The following CTNNA2 variants were observed in gnomAD, a reference collection of about 807,000 sequenced individuals.
The protein encoded by CTNNA2 is catenin alpha 2.
CTNNA2 carries 42 observed loss-of-function variants against 101.0 expected under a neutral mutation model. That is an observed-to-expected ratio of 0.42 (90% CI 0.32 to 0.54). The LOEUF (loss-of-function observed/expected upper bound fraction) is 0.54. CTNNA2 is among the 20% of genes least tolerant of loss of function. The pLI, the probability that CTNNA2 is intolerant of heterozygous loss-of-function variation, is 0.14. For synonymous variants in CTNNA2, 450 were observed against 456.4 expected (o/e 0.99, Z 0.18); for missense variants, 871 against 1,223.1 (o/e 0.71, Z 4.29).
At chr2:79,557,306 G>A (rs1674507403) in intron 1 of CTNNA2, among the ~76,000 whole-genome samples, 1 of 151,876 alleles carries the variant, frequency 6.6e-6, no homozygotes, top group African/African-American at 2.4e-5. Flanking sequence ...TTCTTGCTGT[G>A]TATTGTGTTA....
At chr2:79,745,287 C>T (rs377329279) in intron 3 of CTNNA2, among the ~76,000 whole-genome samples, 28 of 151,996 alleles carry the variant, frequency 1.8e-4, no homozygotes, top group African/African-American at 6.3e-4. Flanking sequence ...AAAAATTAGC[C>T]GGGCATGGCA....
chr2:79,558,171 C>T (rs890479417), intron 1 of CTNNA2, among the ~76,000 whole-genome samples: 6 of 151,856 alleles, frequency 4.0e-5, no homozygotes, highest in African/African-American at 1.2e-4. Context: ...CTAATAAAAG[C>T]TTAGTTTAAA....
At chr2:80,425,784 G>A (rs1455013468) in intron 9 of CTNNA2, among the ~76,000 whole-genome samples, 1 of 151,848 alleles carries the variant, frequency 6.6e-6, no homozygotes, top group Non-Finnish European at 1.5e-5. Context: ...GAAGTGATTG[G>A]GCCCTTTTAC....
chr2:79,704,165 T>G (rs1487748786), intron 2 of CTNNA2, among the ~76,000 whole-genome samples: 1 of 152,228 alleles, frequency 6.6e-6, no homozygotes, highest in Non-Finnish European at 1.5e-5. Flanking sequence ...TTCATAAACA[T>G]AAATTTTGCA....
intron 8 of CTNNA2, among the ~76,000 whole-genome samples, chr2:80,416,693 T>G (rs1680075567): frequency 6.6e-6 from 1 of 152,008 alleles, no homozygotes; most frequent in South Asian, 2.1e-4. Context: ...ATATAAACAT[T>G]TATACTATAT....
intron 8 of CTNNA2, among the ~76,000 whole-genome samples, chr2:80,396,441 T>C: frequency 6.6e-6 from 1 of 152,192 alleles, no homozygotes; most frequent in East Asian, 1.9e-4. Context: ...TGAGCTATTG[T>C]CACTGCTGTG....
At chr2:79,976,075 T>C (rs1371398376) in intron 7 of CTNNA2, among the ~76,000 whole-genome samples, 1 of 152,102 alleles carries the variant, frequency 6.6e-6, no homozygotes, top group Non-Finnish European at 1.5e-5. Flanking sequence ...TAACATACAA[T>C]AGACACTCAT....
chr2:80,423,182 C>A (rs573245567), intron 9 of CTNNA2, among the ~76,000 whole-genome samples: 4 of 152,084 alleles, frequency 2.6e-5, no homozygotes, highest in African/African-American at 9.6e-5. Context: ...TTTATCTCTG[C>A]TCTCTTTATA....
intron 7 of CTNNA2, among the ~76,000 whole-genome samples, chr2:79,921,670 A>G (rs1240484508): frequency 1.3e-5 from 2 of 152,206 alleles, no homozygotes; most frequent in Admixed American, 6.5e-5. Flanking sequence ...CTCATGGATT[A>G]TTCAGAAATT....
At chr2:79,409,841 G>T (rs1238941463) in intron 4 of CTNNA2, among the ~76,000 whole-genome samples, 7 of 151,382 alleles carry the variant, frequency 4.6e-5, no homozygotes, top group Admixed American at 2.6e-4. Flanking sequence ...TGTGAAGAAA[G>T]TCATTGGTAG....
intron 2 of CTNNA2, among the ~76,000 whole-genome samples, chr2:79,694,311 G>A (rs1030260666): frequency 2.0e-5 from 3 of 151,914 alleles, no homozygotes; most frequent in Non-Finnish European, 4.4e-5. Context: ...AATAAAAAAT[G>A]TATTATGAAA....
chr2:79,511,363 C>T (rs1671534808), upstream of CTNNA2, among the ~76,000 whole-genome samples: 1 of 152,184 alleles, frequency 6.6e-6, no homozygotes. Flanking sequence ...TACTCCAGTC[C>T]ATAGTATGCA....
At chr2:79,875,647 T>G (rs1310163398) in intron 6 of CTNNA2, among the ~76,000 whole-genome samples, 3 of 152,182 alleles carry the variant, frequency 2.0e-5, no homozygotes, top group Non-Finnish European at 4.4e-5. Flanking sequence ...CAAATAGTTC[T>G]TACCATTTTC....
chr2:79,993,229 C>T (rs755633023), intron 7 of CTNNA2, among the ~76,000 whole-genome samples: 9 of 152,184 alleles, frequency 5.9e-5, no homozygotes, highest in African/African-American at 9.7e-5. Context: ...TGACAAGAAG[C>T]GTACATGAGC....
chr2:80,294,909 GAC>G (rs2149188283), intron 7 of CTNNA2, among the ~76,000 whole-genome samples: 1 of 152,264 alleles, frequency 6.6e-6, no homozygotes, highest in Admixed American at 6.5e-5. Context: ...TAACCTGGTG[GAC>G]CAGAATAAAG....
chr2:79,454,093 G>A (rs761769448), intron 4 of CTNNA2, among the ~76,000 whole-genome samples: 1 of 152,116 alleles, frequency 6.6e-6, no homozygotes, highest in Non-Finnish European at 1.5e-5. Context: ...CTAGGTCATA[G>A]ACATGACCGA....
chr2:79,613,035 G>A (rs150722100), intron 1 of CTNNA2, among the ~76,000 whole-genome samples: 2 of 151,830 alleles, frequency 1.3e-5, no homozygotes, highest in South Asian at 2.1e-4. Flanking sequence ...CCTCTCTTAC[G>A]AGTTGACTTC....
intron 18 of CTNNA2, among the ~76,000 whole-genome samples, chr2:80,637,637 T>C (rs766532464): frequency 4.6e-5 from 7 of 152,102 alleles, no homozygotes; most frequent in Non-Finnish European, 1.0e-4. Context: ...CTTTGACTAG[T>C]TATTTCCATA....
chr2:79,744,618 A>G, intron 3 of CTNNA2, 36 bp downstream of exon 3: 2 of 1,541,360 alleles, frequency 1.3e-6, no homozygotes, highest in South Asian at 2.5e-5. Flanking sequence ...AGGCGGATCT[A>G]TACTGATGTG....
Sources: gnomAD v4.1 joint callset for allele counts (sites outside exome capture counted in the v4.1 genomes callset) on GRCh38, gnomAD v4.1.1 for gene constraint, MANE v1.5 for transcripts, NCBI Gene and HGNC (gene_info 2026-07-23, HGNC 2026-07-21) for gene names.